TBC1D10A: variants seen among roughly 807,000 people sequenced by gnomAD.
TBC1D10A encodes the protein EBP50-PDX interactor of 64 kDa.
In TBC1D10A, 24 loss-of-function variants were observed where a neutral mutation model predicts 52.9. The ratio of observed to expected loss-of-function variants is 0.45; its 90% confidence interval spans 0.33 to 0.64. TBC1D10A has a LOEUF of 0.64. Ranked by LOEUF, TBC1D10A falls within the 30% of genes least tolerant of loss-of-function variation. The pLI, the probability that TBC1D10A is intolerant of heterozygous loss-of-function variation, is 0.02. For missense variants in TBC1D10A, 602 were observed against 687.9 expected (o/e 0.88, Z 1.40); for synonymous variants, 278 against 282.9 (o/e 0.98, Z 0.17).
At chr22:30,293,063 G>A (rs1929986759) in intron 8 of TBC1D10A, 1 of 627,676 alleles carries the variant, frequency 1.6e-6, no homozygotes, top group Non-Finnish European at 2.8e-6. Context: ...CACCGCCTCA[G>A]AGGATAAAGC....
intron 1 of TBC1D10A, among the ~76,000 whole-genome samples, chr22:30,316,785 C>T (rs770592606): frequency 1.3e-4 from 19 of 151,952 alleles, no homozygotes; most frequent in Non-Finnish European, 2.8e-4. Flanking sequence ...ATGCCTATAA[C>T]GTAAGCACTT....
At chr22:30,322,849 C>A (rs544310913) in intron 1 of TBC1D10A, among the ~76,000 whole-genome samples, 1 of 151,150 alleles carries the variant, frequency 6.6e-6, no homozygotes, top group Non-Finnish European at 1.5e-5. Flanking sequence ...CCTGCCTCAG[C>A]CTCCCAAAGT....
At chr22:30,301,399 C>A (rs1601672146) in intron 2 of TBC1D10A, among the ~76,000 whole-genome samples, 1 of 152,184 alleles carries the variant, frequency 6.6e-6, no homozygotes, top group Admixed American at 6.5e-5. Flanking sequence ...GGGTTTGAAT[C>A]TAGCGCTGAC....
In TBC1D10A at chr22:30,295,747, C is replaced by G. The variant is rs1442106895; in HGVS notation, c.514G>C (p.Gly172Arg). The G allele has an allele frequency of 4.3e-6, 7 of 1,614,038 alleles. No homozygotes were observed. The highest frequency in any genetic ancestry group is 2.2e-5 in the East Asian group (1 of 44,884). The change falls in exon 4 of 9, where the codon GGG becomes CGG. Residue 172 changes from glycine (G) to arginine (R), a missense_variant. Transcript: ENST00000215790. ...FPFHEMFVSR[G>R]GHGQQDLFRV... The stretch of plus-strand genomic sequence containing the variant: ...GCCCAGCCTGCTCACCCGTGGCCCC[C>G]CCGGGACACAAACATCTCATGGAAT...
chr22:30,300,230 T>C (rs568266834), intron 2 of TBC1D10A, among the ~76,000 whole-genome samples: 1 of 151,080 alleles, frequency 6.6e-6, no homozygotes, highest in East Asian at 2.0e-4. Flanking sequence ...GGCAGATCAC[T>C]TAAGGTCAGG....
chr22:30,293,703 C>T lies in TBC1D10A; in HGVS notation c.998G>A (p.Arg333Gln), dbSNP rs777146892. ...ACQGQYETIERLRSLSPKIMQ... is the reference protein window; with the variant it reads ...ACQGQYETIEQLRSLSPKIMQ... Reference sequence around the variant, plus strand: ...GATCTTGGGGCTGAGGCTCCGCAGTCGCTCGATGGTCTCGTACTGGCCCTG... The same window carrying T: ...GATCTTGGGGCTGAGGCTCCGCAGTTGCTCGATGGTCTCGTACTGGCCCTG... Residue 333 changes from arginine to glutamine, a missense_variant, in exon 8 of 9, where the codon CGA becomes CAA. Around this residue, in one of 3 missense-constraint regions of TBC1D10A, gnomAD observed 265 missense variants for 275.1 expected, o/e 0.96. Transcript: ENST00000215790. 8 of 1,612,592 alleles carry T rather than the reference C, an allele frequency of 5.0e-6. No homozygotes were observed. Among genetic ancestry groups the T allele is most frequent in the South Asian group, 1.1e-5 (1 of 91,070 alleles).
intron 2 of TBC1D10A, among the ~76,000 whole-genome samples, chr22:30,303,161 C>T (rs1930238799): frequency 1.3e-5 from 2 of 152,144 alleles, no homozygotes. Flanking sequence ...TGCCTGTGGT[C>T]CCAGCTACTT....
intron 3 of TBC1D10A, chr22:30,299,112 G>A (rs910701818): frequency 4.2e-6 from 1 of 235,490 alleles, no homozygotes; most frequent in Non-Finnish European, 8.4e-6. Flanking sequence ...CCCTCCTGAT[G>A]ACCAAGAGCA....
chr22:30,304,992 C>T (rs1382100393), intron 1 of TBC1D10A, among the ~76,000 whole-genome samples: 3 of 152,208 alleles, frequency 2.0e-5, no homozygotes, highest in South Asian at 2.1e-4. Flanking sequence ...TTCAGAGGGC[C>T]GGTGTACAAG....
At chr22:30,294,276 G>A (rs1930025918) in intron 6 of TBC1D10A, among the ~76,000 whole-genome samples, 166 bp from the exon 7 acceptor site, 1 of 152,174 alleles carries the variant, frequency 6.6e-6, no homozygotes, top group Non-Finnish European at 1.5e-5. Context: ...GCAAAGCGGA[G>A]CCAGCTGGTC....
rs1471532118 is a variant in TBC1D10A at position 30,299,512 on chromosome 22, G to A, written c.349C>T (p.Arg117Trp). 9 of 1,614,014 alleles carry A rather than the reference G, an allele frequency of 5.6e-6. No homozygotes were observed. Among genetic ancestry groups the A allele is most frequent in the Non-Finnish European group, 3.4e-6 (4 of 1,179,974 alleles). The change falls in exon 3 of 9, where the codon CGG (arginine) becomes TGG (tryptophan). Residue 117 changes from arginine to tryptophan, a missense_variant. Transcript: ENST00000215790. ...RCQKGIPPSL[R>W]GRAWQYLSGG... ...GACAGGTACTGCCAAGCACGGCCCC[G>A]CAGAGAAGGCGGGATGCCCTTTTGG... is the stretch of plus-strand genomic sequence containing the variant.
intron 1 of TBC1D10A, among the ~76,000 whole-genome samples, chr22:30,315,979 G>C (rs556357608): frequency 3.3e-5 from 5 of 152,266 alleles, no homozygotes; most frequent in Admixed American, 3.3e-4. Context: ...GGAATGCTGG[G>C]TGCCAGGCCC....
intron 1 of TBC1D10A, among the ~76,000 whole-genome samples, chr22:30,320,480 A>G (rs370736432): frequency 2.0e-5 from 3 of 152,250 alleles, no homozygotes; most frequent in South Asian, 4.1e-4. Flanking sequence ...TGTAGTCACT[A>G]CTGGATGCAG....
intron 1 of TBC1D10A, among the ~76,000 whole-genome samples, chr22:30,321,759 GAGA>G (rs141992898): frequency 0.023 from 3,481 of 152,196 alleles, 140 homozygotes; most frequent in African/African-American, 0.08. Context: ...ATAGGAAAAG[GAGA>G]AGAAGGTCAG....
chr22:30,310,111 G>A (rs907331472), intron 1 of TBC1D10A, among the ~76,000 whole-genome samples: 1 of 152,130 alleles, frequency 6.6e-6, no homozygotes, highest in African/African-American at 2.4e-5. Context: ...AAATAGAGTG[G>A]GGACTTGAAG....
At chr22:30,305,880 C>G (rs540803722) in intron 1 of TBC1D10A, among the ~76,000 whole-genome samples, 1 of 152,194 alleles carries the variant, frequency 6.6e-6, no homozygotes, top group African/African-American at 2.4e-5. Flanking sequence ...GCCCCCTCAA[C>G]GCACTGATAC....
chr22:30,317,868 T>C (rs2145783205), intron 1 of TBC1D10A, among the ~76,000 whole-genome samples: 1 of 152,332 alleles, frequency 6.6e-6, no homozygotes, highest in East Asian at 1.9e-4. Flanking sequence ...CAGGTCTATA[T>C]CCTGAGCCTA....
At chr22:30,316,419 G>C (rs1251519425) in intron 1 of TBC1D10A, among the ~76,000 whole-genome samples, 2 of 152,032 alleles carry the variant, frequency 1.3e-5, no homozygotes, top group Non-Finnish European at 1.5e-5. Flanking sequence ...GAACTTGCGT[G>C]GTACCACATA....
intron 1 of TBC1D10A, among the ~76,000 whole-genome samples, chr22:30,324,445 C>T (rs968938960): frequency 6.6e-6 from 1 of 152,142 alleles, no homozygotes; most frequent in Non-Finnish European, 1.5e-5. Context: ...GAGCTGGGAT[C>T]CCACCTCAGC....
Sources: gnomAD v4.1 joint callset for allele counts (sites outside exome capture counted in the v4.1 genomes callset) on GRCh38, gnomAD v4.1.1 for gene constraint, gnomAD v4.1.1 regional missense constraint, MANE v1.5 for transcripts, NCBI Gene and HGNC (gene_info 2026-07-23, HGNC 2026-07-21) for gene names.